Variants in DLGAP2 observed in about 807,000 individuals in gnomAD.
The protein encoded by DLGAP2 is DLG associated protein 2, also known as disks large-associated protein 2.
In DLGAP2, 26 loss-of-function variants were observed where a neutral mutation model predicts 100.3. The ratio of observed to expected loss-of-function variants is 0.26; its 90% CI spans 0.19 to 0.36. DLGAP2 has a LOEUF of 0.36. Ranked by LOEUF, DLGAP2 falls within the 10% of genes least tolerant of loss-of-function variation. DLGAP2 has a pLI of 1.00. For missense variants in DLGAP2, 1,858 were observed against 1,453.2 expected, an observed-to-expected ratio of 1.28 and a Z score of -4.53; for synonymous variants, 886 against 630.1, an observed-to-expected ratio of 1.41 and a Z score of -6.08.
intron 1 of DLGAP2, among the ~76,000 whole-genome samples, chr8:765,672 A>G (rs1027037583): frequency 6.6e-6 from 1 of 152,130 alleles, no homozygotes; most frequent in African/African-American, 2.4e-5. Flanking sequence ...TGGGACCTCT[A>G]AGACTCTATG....
At chr8:1,521,232 C>G (rs1308440381) in intron 4 of DLGAP2, among the ~76,000 whole-genome samples, 1 of 80,074 alleles carries the variant, frequency 1.2e-5, no homozygotes, top group African/African-American at 4.2e-5. Context: ...TGGGGCATCT[C>G]TGGTTTGCAC....
chr8:1,500,159 A>G (rs1288148878), intron 3 of DLGAP2, among the ~76,000 whole-genome samples: 3 of 152,250 alleles, frequency 2.0e-5, no homozygotes, highest in Admixed American at 2.0e-4. Flanking sequence ...CATCATTCTG[A>G]TACCCCATAA....
intron 2 of DLGAP2, among the ~76,000 whole-genome samples, chr8:1,173,977 C>T (rs189291897): frequency 1.4e-4 from 21 of 152,274 alleles, no homozygotes; most frequent in African/African-American, 3.6e-4. Context: ...GTGTCGCTCA[C>T]GCTGGGAGCT....
intron 3 of DLGAP2, among the ~76,000 whole-genome samples, chr8:1,475,043 C>T (rs181792777): frequency 9.8e-5 from 15 of 152,320 alleles, no homozygotes; most frequent in South Asian, 4.2e-4. Flanking sequence ...TGGAATACTA[C>T]GCAGCCATCA....
chr8:1,646,224 A>G (rs73671283), intron 8 of DLGAP2, among the ~76,000 whole-genome samples: 344 of 152,236 alleles, frequency 2.3e-3, no homozygotes, highest in African/African-American at 7.9e-3. Context: ...TTCCATAGAG[A>G]GAGGGAATTC....
chr8:958,134 A>G lies in DLGAP2; in HGVS notation c.73+50168A>G, dbSNP rs375111002. On this transcript the variant is annotated intron_variant, in intron 2 of 14. Coordinates refer to ENST00000637795, the MANE Select transcript of DLGAP2 (RefSeq NM_001346810.2). Reference sequence around the variant, plus strand: ...TGTTTCTCAAAAGCGGAGTTATACAATATTTATAATGTTGATCTGGCTTAT... The same window carrying G: ...TGTTTCTCAAAAGCGGAGTTATACAGTATTTATAATGTTGATCTGGCTTAT... Among the ~76,000 whole-genome samples, 13 of 152,246 alleles carry G rather than the reference A, an allele frequency of 8.5e-5. No homozygotes were observed. The East Asian group carries it at 1.2e-3, about 14-fold the overall frequency.
rs573072098 is a variant in DLGAP2 at position 1,269,154 on chromosome 8, C to T, written c.106+10271C>T. ...TCGGTGGGCCCGTCTGCCACCTCTT[C>T]TCCGGGCCATGTTCGTTGCTGCTTC... On this transcript the variant is annotated intron_variant, in intron 3 of 14. Transcript: ENST00000637795. 1.4e-4 allele frequency among the ~76,000 whole-genome samples: 21 copies of T among 152,314 alleles called. No individual in the cohort carries two copies. In the East Asian group the frequency reaches 4.1e-3, roughly 29 times the overall value.
At chr8:1,667,946 G>A (rs1374445510) in intron 8 of DLGAP2, among the ~76,000 whole-genome samples, 1 of 151,852 alleles carries the variant, frequency 6.6e-6, no homozygotes, top group East Asian at 1.9e-4. Context: ...GTGTGTCTCC[G>A]CTGCTGGATT....
chr8:1,251,965 T>G (rs146431792), intron 2 of DLGAP2, among the ~76,000 whole-genome samples: 2,137 of 152,276 alleles, frequency 0.014, 29 homozygotes, highest in South Asian at 0.066. Flanking sequence ...GTCACAGTCA[T>G]GTCATGTCAC....
At chr8:829,138 C>T (rs1284449740) in intron 1 of DLGAP2, among the ~76,000 whole-genome samples, 1 of 152,174 alleles carries the variant, frequency 6.6e-6, no homozygotes, top group African/African-American at 2.4e-5. Flanking sequence ...TTCCATTTCT[C>T]CCTTAACTAG....
intron 2 of DLGAP2, among the ~76,000 whole-genome samples, chr8:1,087,553 C>CTT (rs34152210): frequency 1.6e-3 from 235 of 146,516 alleles, no homozygotes; most frequent in African/African-American, 4.6e-3. Flanking sequence ...CTCTCTCTCT[C>CTT]TTTTTTTTTT....
At chr8:1,471,410 C>G (rs947986884) in intron 3 of DLGAP2, among the ~76,000 whole-genome samples, 1 of 151,038 alleles carries the variant, frequency 6.6e-6, no homozygotes, top group African/African-American at 2.4e-5. Flanking sequence ...CACTCTGTCC[C>G]CAGCACAGCT....
At chr8:1,495,852 G>T (rs1584954660) in intron 3 of DLGAP2, among the ~76,000 whole-genome samples, 1 of 152,156 alleles carries the variant, frequency 6.6e-6, no homozygotes, top group Admixed American at 6.5e-5. Flanking sequence ...ATGTTAAATA[G>T]CGCGTGTCCA....
rs568589919 is a variant in DLGAP2 at position 1,073,972 on chromosome 8, C to T, written c.73+166006C>T. Reference sequence around the variant, plus strand: ...GAGTGAGGCTGAACTCACCCAGGTACATATTCAGGAGTCACTGTAACAGAA... The same window carrying T: ...GAGTGAGGCTGAACTCACCCAGGTATATATTCAGGAGTCACTGTAACAGAA... On this transcript the variant is annotated intron_variant, in intron 2 of 14. Coordinates refer to ENST00000637795, the MANE Select transcript of DLGAP2 (RefSeq NM_001346810.2). Among the ~76,000 whole-genome samples the T allele has an allele frequency of 6.1e-3, 922 of 152,130 alleles. 1 individual carries two copies. The highest frequency in any genetic ancestry group is 0.024 in the Middle Eastern group (7 of 294).
At chr8:752,058 G>A (rs1158848182) in intron 1 of DLGAP2, among the ~76,000 whole-genome samples, 1 of 152,232 alleles carries the variant, frequency 6.6e-6, no homozygotes, top group Non-Finnish European at 1.5e-5. Flanking sequence ...GCTCTGGTGT[G>A]GCCCAGGTTC....
rs1282876278 is a variant in DLGAP2 at position 1,206,112 on chromosome 8, G to A, written c.74-52739G>A. On this transcript the variant is annotated intron_variant, in intron 2 of 14. Transcript: ENST00000637795. ...ATCATGTTAACCCCTCTGCACCCAA[G>A]GTGATGTTACTGTGAGCTGCTCGGT... 4.6e-5 allele frequency among the ~76,000 whole-genome samples: 7 copies of A among 152,206 alleles called. No individual in the cohort carries two copies. In the South Asian group the frequency reaches 1.2e-3, roughly 27 times the overall value.
intron 2 of DLGAP2, among the ~76,000 whole-genome samples, chr8:952,307 G>C (rs1434514181): frequency 2.0e-5 from 3 of 152,176 alleles, no homozygotes; most frequent in Admixed American, 6.5e-5. Flanking sequence ...CAATTCCCCA[G>C]AGCTTCTGTT....
chr8:1,532,503 C>G (rs1303136731), intron 4 of DLGAP2, among the ~76,000 whole-genome samples: 1 of 152,078 alleles, frequency 6.6e-6, no homozygotes, highest in East Asian at 1.9e-4. Flanking sequence ...ACTATAATTA[C>G]CTACCCAAAG....
At chr8:801,008 C>T (rs1465403873) in intron 1 of DLGAP2, among the ~76,000 whole-genome samples, 2 of 152,112 alleles carry the variant, frequency 1.3e-5, no homozygotes, top group African/African-American at 4.8e-5. Flanking sequence ...GATACACCTT[C>T]AATGGCTGGT....
Sources: gnomAD v4.1 joint callset for allele counts (sites outside exome capture counted in the v4.1 genomes callset) on GRCh38, gnomAD v4.1.1 for gene constraint, MANE v1.5 for transcripts, NCBI Gene and HGNC (gene_info 2026-07-23, HGNC 2026-07-21) for gene names.